The following ZFHX3 variants were observed in gnomAD, a reference collection of about 807,000 sequenced individuals.
The protein encoded by ZFHX3 is zinc finger homeobox 3, also known as zinc finger homeobox protein 3.
ZFHX3 carries 42 observed loss-of-function variants against 279.1 expected under a neutral mutation model. The ratio of observed to expected loss-of-function variants is 0.15; its 90% confidence interval spans 0.12 to 0.19. The LOEUF (loss-of-function observed/expected upper bound fraction) is 0.19, where lower values mean the gene tolerates loss of function less well. Among genes scored for constraint, ZFHX3 ranks in the 10% least tolerant of loss-of-function variants. The pLI is 1.00. For missense variants in ZFHX3, 4,981 were observed against 4,754.0 expected, an observed-to-expected ratio of 1.05 and a Z score of -1.40; for synonymous variants, 2,293 against 1,957.8, an observed-to-expected ratio of 1.17 and a Z score of -4.52.
intron 3 of ZFHX3, among the ~76,000 whole-genome samples, chr16:73,413,488 G>T (rs945724980): frequency 1.3e-5 from 2 of 152,182 alleles, no homozygotes; most frequent in African/African-American, 4.8e-5. Context: ...CAGATTGGAG[G>T]GCAGTGAGAC....
At chr16:73,605,530 G>A (rs561130062) in intron 2 of ZFHX3, among the ~76,000 whole-genome samples, 39 of 152,292 alleles carry the variant, frequency 2.6e-4, no homozygotes, top group African/African-American at 8.7e-4. Context: ...GTCTGGGTAA[G>A]TTAAATGGTC....
chr16:72,899,120 G>A (rs1436893470), intron 3 of ZFHX3, among the ~76,000 whole-genome samples: 2 of 152,162 alleles, frequency 1.3e-5, no homozygotes, highest in African/African-American at 4.8e-5. Context: ...TTCTTCCCTA[G>A]CACTATTTTC....
chr16:73,121,488 A>G, intron 7 of ZFHX3, among the ~76,000 whole-genome samples: 1 of 152,170 alleles, frequency 6.6e-6, no homozygotes, highest in East Asian at 1.9e-4. Context: ...GGCCTAGACC[A>G]TTTCAGACAG....
chr16:73,749,624 A>G (rs1745117723), intron 1 of ZFHX3, among the ~76,000 whole-genome samples: 1 of 152,222 alleles, frequency 6.6e-6, no homozygotes, highest in Non-Finnish European at 1.5e-5. Context: ...AGCACCAGGT[A>G]ACCCTTCCTA....
Position 72,942,663 on chromosome 16 carries a change from A to T in ZFHX3, c.3216+7806T>A, listed in dbSNP as rs1300481976. On this transcript the variant is annotated intron_variant, in intron 3 of 9. Transcript: ENST00000268489. ...GTTTATACTGGAAATATGTCGACAG[A>T]GTCATGAAATTTATATGCTATTTAC... 2.0e-5 allele frequency among the ~76,000 whole-genome samples: 3 copies of T among 152,314 alleles called. No homozygotes were observed. In the East Asian group the frequency reaches 5.8e-4, roughly 29 times the overall value.
At chr16:73,511,477 G>C (rs1362188403) in intron 2 of ZFHX3, among the ~76,000 whole-genome samples, 1 of 152,224 alleles carries the variant, frequency 6.6e-6, no homozygotes, top group Non-Finnish European at 1.5e-5. Context: ...TGAGCAGAAG[G>C]TGGACTATGA....
intron 7 of ZFHX3, chr16:73,093,653 T>A: frequency 2.1e-6 from 1 of 467,646 alleles, no homozygotes; most frequent in East Asian, 6.2e-5. Context: ...CCCCACAGAA[T>A]ACAGTTCGCC....
chr16:73,102,054 C>T (rs887824363), intron 7 of ZFHX3, among the ~76,000 whole-genome samples: 17 of 151,922 alleles, frequency 1.1e-4, no homozygotes, highest in South Asian at 4.2e-4. Flanking sequence ...GCTGGGATTA[C>T]AGGCACCTGC....
rs797008411 is a variant in ZFHX3, at chr16:73,078,684, G to A, written c.-533+14551C>T. ...TTTTGAGATGGAGTCTTGCTCTGTC[G>A]CCCAGGCTGGAGTGCAGTGGCGCAA... On this transcript the variant is annotated intron_variant, in intron 8 of 17. Coordinates refer to the ZFHX3 transcript ENST00000641206. Among the ~76,000 whole-genome samples, 10 of 150,042 alleles carry A rather than the reference G, an allele frequency of 6.7e-5. 1 individual carries two copies. Among genetic ancestry groups the A allele is most frequent in the East Asian group, 2.0e-4 (1 of 5,036 alleles).
chr16:73,083,347 A>T (rs1965972585), intron 8 of ZFHX3: 1 of 152,254 alleles, frequency 6.6e-6, no homozygotes, highest in Non-Finnish European at 1.5e-5. Context: ...AGGATGTGAC[A>T]TGGCTGGACA....
intron 3 of ZFHX3, among the ~76,000 whole-genome samples, chr16:73,378,640 G>A (rs2143361626): frequency 6.6e-6 from 1 of 152,268 alleles, no homozygotes. Flanking sequence ...AGGTTGATCT[G>A]CACCAAACTA....
At chr16:73,659,620 C>A (rs549468485) in intron 2 of ZFHX3, among the ~76,000 whole-genome samples, 3 of 152,176 alleles carry the variant, frequency 2.0e-5, no homozygotes, top group African/African-American at 7.2e-5. Flanking sequence ...AATAGAAATA[C>A]AGTATTCTTA....
intron 3 of ZFHX3, among the ~76,000 whole-genome samples, chr16:73,386,286 A>G (rs1329165935): frequency 6.6e-6 from 1 of 151,764 alleles, no homozygotes; most frequent in East Asian, 1.9e-4. Context: ...GACCTTATTA[A>G]AAAACCCACA....
intron 1 of ZFHX3, among the ~76,000 whole-genome samples, chr16:73,747,118 A>C (rs7498657): frequency 6.6e-6 from 1 of 152,178 alleles, no homozygotes; most frequent in Non-Finnish European, 1.5e-5. Flanking sequence ...GGTGAGTGCA[A>C]GGGCTCACAC....
At chr16:73,202,411 C>G (rs1261376311) in intron 5 of ZFHX3, among the ~76,000 whole-genome samples, 3 of 152,192 alleles carry the variant, frequency 2.0e-5, no homozygotes, top group Admixed American at 6.5e-5. Context: ...AAATATGAAC[C>G]TCACCCAGGG....
At chr16:73,509,666 A>T (rs1171556075) in intron 2 of ZFHX3, among the ~76,000 whole-genome samples, 1 of 145,814 alleles carries the variant, frequency 6.9e-6, no homozygotes. Flanking sequence ...CTGGGATTAT[A>T]GGCGCCCACC....
intron 2 of ZFHX3, among the ~76,000 whole-genome samples, chr16:73,598,833 C>T (rs2052080422): frequency 6.6e-6 from 1 of 152,186 alleles, no homozygotes; most frequent in Admixed American, 6.5e-5. Flanking sequence ...GTGCAATCTC[C>T]ACTCACTGCA....
intron 3 of ZFHX3, among the ~76,000 whole-genome samples, chr16:72,940,999 G>A (rs1306138615): frequency 6.6e-6 from 1 of 152,208 alleles, no homozygotes; most frequent in African/African-American, 2.4e-5. Context: ...CAATGCTCAC[G>A]TGCTGTGAAT....
chr16:73,070,818 C>G (rs560792225), intron 8 of ZFHX3, among the ~76,000 whole-genome samples: 102 of 151,992 alleles, frequency 6.7e-4, no homozygotes, highest in South Asian at 3.1e-3. Context: ...TCCCCTCCCC[C>G]ACCACTCACG....
Sources: allele counts gnomAD v4.1 joint callset (sites outside exome capture counted in the v4.1 genomes callset), GRCh38; gene constraint gnomAD v4.1.1; transcripts MANE v1.5; gene names NCBI Gene and HGNC (gene_info 2026-07-23, HGNC 2026-07-21).